HIPK1: variants seen among roughly 807,000 people sequenced by gnomAD.
HIPK1 encodes the protein homeodomain-interacting protein kinase 1.
Under a neutral mutation model 117.1 loss-of-function variants are expected in HIPK1, and 28 were observed. That is an observed-to-expected ratio of 0.24 (90% CI 0.18 to 0.33). The LOEUF is 0.33. HIPK1 is among the 10% of genes least tolerant of loss of function. HIPK1 has a pLI of 1.00. For missense variants in HIPK1, 1,122 were observed against 1,475.1 expected (o/e 0.76, Z 3.92); for synonymous variants, 605 against 562.5 (o/e 1.08, Z -1.07).
intron 1 of HIPK1, among the ~76,000 whole-genome samples, chr1:113,939,327 G>GTT (rs71090749): frequency 1.0e-4 from 15 of 145,798 alleles, no homozygotes; most frequent in East Asian, 6.0e-4. Context: ...TTTTTTTTCT[G>GTT]TTTTTTTTTT....
At chr1:113,934,441 G>C (rs769093654) in intron 1 of HIPK1, among the ~76,000 whole-genome samples, 2 of 152,148 alleles carry the variant, frequency 1.3e-5, no homozygotes, top group Non-Finnish European at 2.9e-5. Context: ...TTGTTAATCT[G>C]TTTTTGAAAG....
At position 113,975,260 on chromosome 1, in the gene HIPK1, T is replaced by C. The variant is rs146002964; in HGVS notation, c.*1748T>C. ...TTTATCAGAACAGGATTAGTAGCTG[T>C]ATTGTGTAATGCATTGTTCTCAGTT... On this transcript the variant is annotated 3_prime_UTR_variant, in exon 16 of 16. Coordinates refer to ENST00000426820, the MANE Select transcript of HIPK1 (RefSeq NM_198268.3). 6.5e-6 allele frequency: 1 copy of C among 152,944 alleles called. No individual in the cohort carries two copies. The highest frequency in any genetic ancestry group is 1.9e-4 in the East Asian group (1 of 5,330). 9.5% of individuals were successfully genotyped at this position (152,944 alleles called of 1,614,324 possible). A position where few individuals can be genotyped will look rare whatever the true frequency, so the allele number is the denominator to read the frequency against.
At chr1:113,972,418 C>G (rs1215818256) in intron 15 of HIPK1, among the ~76,000 whole-genome samples, 1 of 152,200 alleles carries the variant, frequency 6.6e-6, no homozygotes, top group Non-Finnish European at 1.5e-5. Flanking sequence ...GACTTCCCCA[C>G]TCTCCGAACA....
intron 1 of HIPK1, among the ~76,000 whole-genome samples, chr1:113,931,391 T>C (rs1669887962): frequency 6.6e-6 from 1 of 152,178 alleles, no homozygotes; most frequent in South Asian, 2.1e-4. Flanking sequence ...AAGATACTGT[T>C]CCTGGCTTGA....
chr1:113,940,382 G>A lies in HIPK1; in HGVS notation c.-2G>A. 6.3e-7 allele frequency: 1 copy of A among 1,592,994 alleles called. No homozygotes were observed. Among genetic ancestry groups the A allele is most frequent in the South Asian group, 1.1e-5 (1 of 88,284 alleles). ...TAATTCTTCCTTTCTCTCAATATAG[G>A]TATGGCATCACAGCTGCAAGTGTTT... On this transcript the variant is annotated splice_region_variant and 5_prime_UTR_variant, in exon 2 of 16. Transcript: ENST00000426820.
chr1:113,930,103 C>A (rs1227340816), intron 1 of HIPK1, among the ~76,000 whole-genome samples: 1 of 152,224 alleles, frequency 6.6e-6, no homozygotes, highest in Non-Finnish European at 1.5e-5. Flanking sequence ...TCTTGCGGCC[C>A]GGCCGCTCAC....
In HIPK1 at chr1:113,954,644, G is replaced by A; in HGVS notation, c.1201-7G>A. The A allele has an allele frequency of 1.2e-6, 2 of 1,613,606 alleles. No individual in the cohort carries two copies. Among genetic ancestry groups the A allele is most frequent in the East Asian group, 2.2e-5 (1 of 44,862 alleles). On this transcript the variant is annotated splice_polypyrimidine_tract_variant and splice_region_variant and intron_variant, in intron 3 of 15. Transcript: ENST00000426820. Reference sequence around the variant, plus strand: ...CAAATAGTTGTTTGATGGTTTTGATGTTTCAGATTCGTTATATTTCACAAA... The same window carrying A: ...CAAATAGTTGTTTGATGGTTTTGATATTTCAGATTCGTTATATTTCACAAA...
Position 113,956,824 on chromosome 1 carries a change from T to C in HIPK1, c.1592+13T>C, listed in dbSNP as rs369465722. The C allele has an allele frequency of 1.4e-5, 23 of 1,611,444 alleles. No homozygotes were observed. In the African/African-American group the frequency reaches 2.8e-4, roughly 20 times the overall value. ...CACATAGCAATCAGTGAGTATGGAA[T>C]ATTCTGGGGCTTTTGCCATGTGGTT... On this transcript the variant is annotated intron_variant, in intron 6 of 15. Transcript: ENST00000426820.
At chr1:113,965,041 T>G (rs1176128179) in intron 10 of HIPK1, among the ~76,000 whole-genome samples, 2 of 152,236 alleles carry the variant, frequency 1.3e-5, no homozygotes, top group African/African-American at 2.4e-5. Context: ...TTTGTTTTGT[T>G]TTATTTTGTT....
Position 113,970,052 on chromosome 1 carries a change from T to TA in HIPK1, c.2869dup (p.Thr957AsnfsTer9). The TA allele has an allele frequency of 6.2e-7, 1 of 1,614,212 alleles. No homozygotes were observed. The highest frequency in any genetic ancestry group is 1.3e-5 in the African/African-American group (1 of 75,060). ...CTTTGAGCAGCCCTTATTCCACTGA[T>TA]ACCCTGAGTGCTCTCCGAGGCAATA... is the stretch of plus-strand genomic sequence containing the variant. On this transcript the variant is annotated frameshift_variant, in exon 14 of 16. Transcript: ENST00000426820. LOFTEE classifies it high-confidence loss of function.
Position 113,951,356 on chromosome 1 carries a change from T to C in HIPK1, c.1077-1410T>C, listed in dbSNP as rs1207846942. On this transcript the variant is annotated intron_variant, in intron 2 of 15. Transcript: ENST00000426820. ...AATATACTCAATTCTGGAGCCAGAT[T>C]GCAGGGATTCAAATCCTAGCTCTGC... 4.6e-6 allele frequency: 4 copies of C among 866,604 alleles called. 1 individual carries two copies. Among genetic ancestry groups the C allele is most frequent in the Non-Finnish European group, 5.5e-6 (4 of 721,674 alleles). 53.7% of individuals were successfully genotyped at this position (866,604 alleles called of 1,614,324 possible). A position where few individuals can be genotyped will look rare whatever the true frequency, so the allele number is the denominator to read the frequency against.
At chr1:113,929,835 C>A (rs1182894242) in intron 1 of HIPK1, 2 of 987,388 alleles carry the variant, frequency 2.0e-6, no homozygotes, top group African/African-American at 3.5e-5. Context: ...CGGGCCGGCT[C>A]GCGCGGGGGG....
At position 113,941,530 on chromosome 1, in the gene HIPK1, GGCTACATATAGCAATGAATTT is replaced by G. The variant is rs1280550677; in HGVS notation, c.1076+73_1076+93del. The G allele has an allele frequency of 8.7e-7, 1 of 1,143,294 alleles. No homozygotes were observed. The highest frequency in any genetic ancestry group is 2.4e-5 in the East Asian group (1 of 42,504). The allele number at this position is 1,143,294 out of a possible 1,614,324, so 70.8% of individuals were successfully genotyped here. On this transcript the variant is annotated intron_variant, in intron 2 of 15. Transcript: ENST00000426820. This position sits in a 1 kb window ranked among gnomAD's most constrained non-coding sequence, Gnocchi z 4.9. ...CCTTATATTTAACATATACCCCGTA[GGCTACATATAGCAATGAATTT>G]GTTTATAGATTCTGAGATAGAAATA...
chr1:113,938,359 C>T (rs891943433), intron 1 of HIPK1, among the ~76,000 whole-genome samples: 1 of 151,764 alleles, frequency 6.6e-6, no homozygotes, highest in African/African-American at 2.4e-5. Context: ...CCTGCCTGGG[C>T]CTCCCAAAGT....
At chr1:113,945,038 G>C (rs1032715891) in intron 2 of HIPK1, among the ~76,000 whole-genome samples, 1 of 151,602 alleles carries the variant, frequency 6.6e-6, no homozygotes, top group South Asian at 2.1e-4. Flanking sequence ...TAGTAGAGAC[G>C]GGGTTTCACT....
intron 1 of HIPK1, among the ~76,000 whole-genome samples, chr1:113,938,129 CTTT>C (rs565973812): frequency 7.6e-6 from 1 of 131,324 alleles, no homozygotes. Flanking sequence ...TTACACTTGG[CTTT>C]TTTTTTTTTT....
At chr1:113,962,065 A>G (rs554687458) in intron 8 of HIPK1, among the ~76,000 whole-genome samples, 1 of 151,652 alleles carries the variant, frequency 6.6e-6, no homozygotes, top group Non-Finnish European at 1.5e-5. Context: ...ATTTTGTAGC[A>G]TAAAAAAAAT....
intron 1 of HIPK1, among the ~76,000 whole-genome samples, chr1:113,937,486 G>A (rs759295268): frequency 5.9e-5 from 9 of 151,932 alleles, no homozygotes; most frequent in Non-Finnish European, 1.2e-4. Context: ...ATCAAGGATC[G>A]AGCATTTGAA....
At chr1:113,937,762 G>A (rs973940777) in intron 1 of HIPK1, among the ~76,000 whole-genome samples, 12 of 152,112 alleles carry the variant, frequency 7.9e-5, no homozygotes, top group Non-Finnish European at 1.3e-4. Flanking sequence ...ATCGTAGGGA[G>A]CGTTTCTGCA....
Sources: gnomAD v4.1 joint callset for allele counts (sites outside exome capture counted in the v4.1 genomes callset) on GRCh38, gnomAD v4.1.1 for gene constraint, Gnocchi (gnomAD v3.1) non-coding constraint, MANE v1.5 for transcripts, NCBI Gene and HGNC (gene_info 2026-07-23, HGNC 2026-07-21) for gene names.